The following USP13 variants were observed in gnomAD, a reference collection of about 807,000 sequenced individuals.
USP13 encodes ubiquitin carboxyl-terminal hydrolase 13.
Under a neutral mutation model 107.8 loss-of-function variants are expected in USP13, and 68 were observed. The observed-to-expected ratio is 0.63, with a 90% CI of 0.52 to 0.77. The LOEUF is 0.77. Ranked by LOEUF, USP13 falls within the 30% of genes least tolerant of loss-of-function variation. The pLI is 0.00. For synonymous variants in USP13, 377 were observed against 389.5 expected (o/e 0.97, Z 0.38); for missense variants, 945 against 1,093.3 (o/e 0.86, Z 1.91).
chr3:179,673,400 G>GC (rs5854842), intron 1 of USP13, among the ~76,000 whole-genome samples: 4 of 151,950 alleles, frequency 2.6e-5, no homozygotes, highest in Non-Finnish European at 4.4e-5. Flanking sequence ...CAGTTTTCCT[G>GC]CCCCCCCTGC....
intron 6 of USP13, among the ~76,000 whole-genome samples, chr3:179,710,952 G>A (rs78493407): frequency 1.8e-4 from 28 of 152,296 alleles, no homozygotes; most frequent in Non-Finnish European, 3.1e-4. Flanking sequence ...AATGGAACAC[G>A]CAGGGCTGGA....
At chr3:179,772,077 A>G (rs1213675785) in intron 19 of USP13, among the ~76,000 whole-genome samples, 2 of 152,176 alleles carry the variant, frequency 1.3e-5, no homozygotes, top group Non-Finnish European at 2.9e-5. Context: ...TTTGATTTTG[A>G]AGGCTGTGCA....
chr3:179,661,450 T>C (rs1576906981), intron 1 of USP13, among the ~76,000 whole-genome samples: 1 of 148,430 alleles, frequency 6.7e-6, no homozygotes, highest in East Asian at 2.1e-4. Context: ...ATTTACTATT[T>C]CATAGATAGG....
rs57620088 is a variant in USP13 at position 179,679,794 on chromosome 3, GTTTTTTTTTTTTT to G, written c.169-2069_169-2057del. ...AACTTGGGTAAGTGACCTATCCTTAGTTTTTTTTTTTTTTTTTTTTTTTTTTTGATACTGTTAA... is the reference window on the plus strand; with the variant it reads ...AACTTGGGTAAGTGACCTATCCTTAGTTTTTTTTTTTTTTGATACTGTTAA... On this transcript the variant is annotated intron_variant, in intron 1 of 20. Transcript: ENST00000263966. Among the ~76,000 whole-genome samples the G allele has an allele frequency of 5.1e-4, 50 of 97,450 alleles. No individual in the cohort carries two copies. In the East Asian group the frequency reaches 0.011, roughly 22 times the overall value. 63.9% of individuals were successfully genotyped at this position (97,450 alleles called of 152,430 possible).
intron 1 of USP13, among the ~76,000 whole-genome samples, chr3:179,674,707 G>C (rs1336298960): frequency 6.6e-6 from 1 of 151,730 alleles, no homozygotes; most frequent in Non-Finnish European, 1.5e-5. Flanking sequence ...CTCTAGAAAG[G>C]CTGAGCCGAT....
At chr3:179,762,512 C>T (rs1224253863) in intron 17 of USP13, among the ~76,000 whole-genome samples, 3 of 152,134 alleles carry the variant, frequency 2.0e-5, no homozygotes, top group Non-Finnish European at 4.4e-5. Context: ...GCCCAGGAGA[C>T]GGAGGTTGCA....
At chr3:179,776,815 T>C (rs915386058) in intron 19 of USP13, among the ~76,000 whole-genome samples, 6 of 151,686 alleles carry the variant, frequency 4.0e-5, no homozygotes, top group African/African-American at 1.4e-4. Context: ...AAAACTTAAA[T>C]ATTTTTTAGT....
chr3:179,719,840 T>C (rs1713242755), intron 6 of USP13, 100 bp from the exon 7 acceptor site: 4 of 892,180 alleles, frequency 4.5e-6, no homozygotes, highest in Admixed American at 5.2e-5. Context: ...TTCAGTGATA[T>C]AGCCCAAGCC....
Position 179,785,535 on chromosome 3 carries a change from C to G in USP13, c.*1394C>G, listed in dbSNP as rs1010063415. ...TCTAGAGTCTCTGGAGTTGCTATTT[C>G]AGAGTATTTGGTCAAACGAAAAAGA... On this transcript the variant is annotated 3_prime_UTR_variant, in exon 21 of 21. Coordinates refer to ENST00000263966, the MANE Select transcript of USP13 (RefSeq NM_003940.3). The G allele has an allele frequency of 2.0e-5, 3 of 152,138 alleles. No individual in the cohort carries two copies. The highest frequency in any genetic ancestry group is 4.4e-5 in the Non-Finnish European group (3 of 68,026). The allele number at this position is 152,138 out of a possible 1,614,324, so 9.4% of individuals were successfully genotyped here.
intron 19 of USP13, 61 bp from the exon 20 acceptor site, chr3:179,781,678 C>A (rs1715752217): frequency 6.8e-7 from 1 of 1,472,578 alleles, no homozygotes; most frequent in Non-Finnish European, 9.5e-7. Flanking sequence ...TAAATTCTAA[C>A]CAGAAGTGCT....
Position 179,653,104 on chromosome 3 carries a change from T to G in USP13, c.-122T>G. The G allele has an allele frequency of 2.3e-6, 2 of 880,082 alleles. No individual in the cohort carries two copies. Among genetic ancestry groups the G allele is most frequent in the South Asian group, 1.0e-4 (2 of 20,046 alleles). 54.5% of individuals were successfully genotyped at this position (880,082 alleles called of 1,614,324 possible). A position where few individuals can be genotyped will look rare whatever the true frequency, so the allele number is the denominator to read the frequency against. On this transcript the variant is annotated 5_prime_UTR_variant, in exon 1 of 21. Transcript: ENST00000263966. This position sits in a 1 kb window ranked among gnomAD's most constrained non-coding sequence, Gnocchi z 4.0. ...GCCCGCTCTCCCCGCCCGCCCCGGC[T>G]CGGCCGGCTGCCGTTGCCCGCGCAG...
chr3:179,762,411 T>C (rs1715041062), intron 17 of USP13, among the ~76,000 whole-genome samples: 1 of 152,126 alleles, frequency 6.6e-6, no homozygotes, highest in Non-Finnish European at 1.5e-5. Flanking sequence ...TGAAACCCCA[T>C]CTCTATTAAA....
intron 7 of USP13, among the ~76,000 whole-genome samples, chr3:179,720,247 A>G (rs1195496679): frequency 6.6e-6 from 1 of 152,244 alleles, no homozygotes; most frequent in Non-Finnish European, 1.5e-5. Context: ...TGTAATAAAA[A>G]TGGCACCTCA....
chr3:179,784,114 G>A lies in USP13; in HGVS notation c.2565G>A (p.Met855Ile), dbSNP rs144044913. Reference protein sequence around the residue: ...SERPPKDLGYMYFYRRIPS With the variant: ...SERPPKDLGYIYFYRRIPS Reference sequence around the variant, plus strand: ...GGCCCCCTAAAGACCTGGGCTACATGTACTTTTACCGCAGGATACCAAGCT... The same window carrying A: ...GGCCCCCTAAAGACCTGGGCTACATATACTTTTACCGCAGGATACCAAGCT... Residue 855 changes from methionine to isoleucine, a missense_variant, in exon 21 of 21, where the codon ATG becomes ATA. By Grantham distance (10) the Met-to-Ile change is conservative. Coordinates refer to ENST00000263966, the MANE Select transcript of USP13 (RefSeq NM_003940.3). The A allele has an allele frequency of 6.2e-7, 1 of 1,612,510 alleles. No individual in the cohort carries two copies. The highest frequency in any genetic ancestry group is 1.3e-5 in the African/African-American group (1 of 74,820).
Position 179,721,582 on chromosome 3 carries a change from CAG to C in USP13, c.1086_1087del (p.Arg362SerfsTer11). The C allele has an allele frequency of 6.2e-7, 1 of 1,613,232 alleles. No individual in the cohort carries two copies. The highest frequency in any genetic ancestry group is 8.5e-7 in the Non-Finnish European group (1 of 1,179,956). The stretch of plus-strand genomic sequence containing the variant: ...GGCCATCTTCAGCATCCCAGAATTC[CAG>C]AGAGCGTAAGTGCCTTCCATGCAGA... ...MQAIFSIPEF[Q>X]RAYVGNLPRI... On this transcript the variant is annotated frameshift_variant, in exon 8 of 21. Transcript: ENST00000263966. LOFTEE classifies it high-confidence loss of function. The surrounding 1 kb of genome is among the most constrained non-coding windows in gnomAD (Gnocchi z 4.3).
chr3:179,763,128 C>T (rs1715062193), intron 17 of USP13, among the ~76,000 whole-genome samples: 1 of 152,174 alleles, frequency 6.6e-6, no homozygotes, highest in Admixed American at 6.5e-5. Flanking sequence ...ATACGAGTTT[C>T]TATGAGATAT....
At chr3:179,702,307 C>T (rs1712562278) in intron 4 of USP13, among the ~76,000 whole-genome samples, 1 of 152,188 alleles carries the variant, frequency 6.6e-6, no homozygotes, top group Non-Finnish European at 1.5e-5. Context: ...GCGTGAGCCA[C>T]CGCGCCCGGC....
rs370766084 is a variant in USP13 at position 179,669,278 on chromosome 3, T to A, written c.169-12600T>A. On this transcript the variant is annotated intron_variant, in intron 1 of 20. Coordinates refer to ENST00000263966, the MANE Select transcript of USP13 (RefSeq NM_003940.3). ...GAGTTTGAGACCAGCCTAGCCAACA[T>A]GGTGAAACTCCATCTCTACTAAAAA... Among the ~76,000 whole-genome samples, 9 of 152,236 alleles carry A rather than the reference T, an allele frequency of 5.9e-5. No individual in the cohort carries two copies. The South Asian group carries it at 1.0e-3, about 18-fold the overall frequency.
rs766361599 is a variant in USP13, at chr3:179,764,103, ATCG to A, written c.2196_2198del (p.Val733del). On this transcript the variant is annotated inframe_deletion, in exon 18 of 21. Coordinates refer to ENST00000263966, the MANE Select transcript of USP13 (RefSeq NM_003940.3). ...ACTGGATAACCAACCTCCAGAGGAAATCGTAGCTATCATCACCTCCATGGGATT... is the reference window on the plus strand; with the variant it reads ...ACTGGATAACCAACCTCCAGAGGAAATAGCTATCATCACCTCCATGGGATT... 9 of 1,614,088 alleles carry A rather than the reference ATCG, an allele frequency of 5.6e-6. No individual in the cohort carries two copies. Among genetic ancestry groups the A allele is most frequent in the Non-Finnish European group, 7.6e-6 (9 of 1,180,024 alleles).
Sources: gnomAD v4.1 joint callset for allele counts (sites outside exome capture counted in the v4.1 genomes callset) on GRCh38, gnomAD v4.1.1 for gene constraint, Gnocchi (gnomAD v3.1) non-coding constraint, MANE v1.5 for transcripts, NCBI Gene and HGNC (gene_info 2026-07-23, HGNC 2026-07-21) for gene names.